Variants in AGFG1 observed in about 807,000 individuals in gnomAD.
AGFG1 encodes ArfGAP with FG repeats 1, also known as arf-GAP domain and FG repeat-containing protein 1.
In AGFG1, 10 loss-of-function variants were observed where a neutral mutation model predicts 60.6. The observed-to-expected ratio is 0.16, with a 90% CI of 0.10 to 0.28. The LOEUF (loss-of-function observed/expected upper bound fraction) is 0.28, where lower values mean the gene tolerates loss of function less well. Among genes scored for constraint, AGFG1 ranks in the 10% least tolerant of loss-of-function variants. The pLI is 1.00. For synonymous variants in AGFG1, 247 were observed against 242.9 expected (o/e 1.02, Z -0.16); for missense variants, 537 against 676.5 (o/e 0.79, Z 2.29).
rs527632167 is a variant in AGFG1, at chr2:227,491,536, T to G, written c.168-11T>G. 14 of 1,511,172 alleles carry G rather than the reference T, an allele frequency of 9.3e-6. 1 individual carries two copies. In the South Asian group the frequency reaches 1.8e-4, roughly 19 times the overall value. The allele number at this position is 1,511,172 out of a possible 1,614,324, so 93.6% of individuals were successfully genotyped here. A position where few individuals can be genotyped will look rare whatever the true frequency, so the allele number is the denominator to read the frequency against. The stretch of plus-strand genomic sequence containing the variant: ...GTACTAGTAAATTTTGTAAAATATT[T>G]TATCTTTTAGGCGAGGATTAAATCC... On this transcript the variant is annotated splice_polypyrimidine_tract_variant and intron_variant, in intron 1 of 12. Transcript: ENST00000310078.
At chr2:227,551,877 G>A in intron 10 of AGFG1, 82 bp from the exon 11 acceptor site, 1 of 1,493,288 alleles carries the variant, frequency 6.7e-7, no homozygotes, top group Non-Finnish European at 9.1e-7. Context: ...CAAGGTAAAT[G>A]ATGTCTTTTT....
chr2:227,554,359 A>G, intron 12 of AGFG1, 77 bp from the exon 13 acceptor site: 1 of 1,219,638 alleles, frequency 8.2e-7, no homozygotes, highest in Non-Finnish European at 1.2e-6. Flanking sequence ...AAAAAATTAA[A>G]TTCAGTTTAA....
intron 10 of AGFG1, among the ~76,000 whole-genome samples, chr2:227,549,629 A>G (rs73083466): frequency 8.5e-5 from 13 of 152,330 alleles, no homozygotes; most frequent in African/African-American, 1.4e-4. Flanking sequence ...AAATAAAACA[A>G]TCTAGCATTG....
rs184590266 is a variant in AGFG1 at position 227,477,146 on chromosome 2, C to T, written c.167+4558C>T. 6.6e-5 allele frequency among the ~76,000 whole-genome samples: 10 copies of T among 152,286 alleles called. No individual in the cohort carries two copies. In the East Asian group the frequency reaches 1.9e-3, roughly 29 times the overall value. On this transcript the variant is annotated intron_variant, in intron 1 of 12. Coordinates refer to ENST00000310078, the MANE Select transcript of AGFG1 (RefSeq NM_004504.5). ...TAAACTCCTGACCTCAGGTGATCCA[C>T]CGCCTTGGCCTCTCAAAGTGCTGGA...
intron 3 of AGFG1, among the ~76,000 whole-genome samples, chr2:227,522,740 G>A (rs1373185046): frequency 6.6e-6 from 1 of 152,194 alleles, no homozygotes; most frequent in Non-Finnish European, 1.5e-5. Context: ...GGAATAAGAA[G>A]GAGGGTAGGA....
intron 10 of AGFG1, among the ~76,000 whole-genome samples, chr2:227,538,919 T>C (rs1692395121): frequency 6.6e-6 from 1 of 152,202 alleles, no homozygotes. Context: ...TCCACAAATG[T>C]TTATTTCAAG....
At chr2:227,492,227 CT>C (rs1208686138) in intron 2 of AGFG1, among the ~76,000 whole-genome samples, 13 of 150,998 alleles carry the variant, frequency 8.6e-5, no homozygotes, top group Non-Finnish European at 1.8e-4. Context: ...TGCTTGTTTG[CT>C]TTTAGCTCTG....
At chr2:227,494,804 C>T (rs946146391) in intron 2 of AGFG1, among the ~76,000 whole-genome samples, 7 of 152,194 alleles carry the variant, frequency 4.6e-5, no homozygotes, top group Admixed American at 1.3e-4. Flanking sequence ...AAGTCATGCT[C>T]CAAGCCCAGA....
chr2:227,524,862 A>G lies in AGFG1; in HGVS notation c.641A>G (p.Gln214Arg). ...GSDIFAAPAPQSTATANFANF... is the reference protein window; with the variant it reads ...GSDIFAAPAPRSTATANFANF... ...GACATCTTTGCTGCTCCAGCTCCTC[A>G]GTCAACAGCTACAGCCAATTTTGCT... Residue 214 changes from glutamine to arginine, a missense_variant, in exon 5 of 13, where the codon CAG becomes CGG. Around this residue, in one of 4 missense-constraint regions of AGFG1, gnomAD observed 102 missense variants for 82.9 expected, o/e 1.23. Transcript: ENST00000310078. The G allele has an allele frequency of 6.2e-7, 1 of 1,614,174 alleles. No individual in the cohort carries two copies. Among genetic ancestry groups the G allele is most frequent in the Non-Finnish European group, 8.5e-7 (1 of 1,179,992 alleles).
rs1693062448 is a variant in AGFG1, at chr2:227,559,155, A to C, written c.*4660A>C. Reference sequence around the variant, plus strand: ...AAGGCTTACACTGAATTCTGTCTGCAGTTCTGTTTTGTGTGACCAGCACAG... The same window carrying C: ...AAGGCTTACACTGAATTCTGTCTGCCGTTCTGTTTTGTGTGACCAGCACAG... On this transcript the variant is annotated 3_prime_UTR_variant, in exon 13 of 13. Transcript: ENST00000310078. The C allele has an allele frequency of 6.6e-6, 1 of 152,226 alleles. No homozygotes were observed. The highest frequency in any genetic ancestry group is 2.4e-5 in the African/African-American group (1 of 41,472). 9.4% of individuals were successfully genotyped at this position (152,226 alleles called of 1,614,324 possible).
chr2:227,474,427 A>G (rs951004615), intron 1 of AGFG1, among the ~76,000 whole-genome samples: 21 of 152,226 alleles, frequency 1.4e-4, no homozygotes, highest in Admixed American at 4.6e-4. Context: ...CATATTTTCA[A>G]ATTTCTTCCT....
chr2:227,523,321 C>T (rs1184474833), intron 3 of AGFG1, among the ~76,000 whole-genome samples: 1 of 152,066 alleles, frequency 6.6e-6, no homozygotes, highest in African/African-American at 2.4e-5. Context: ...ATGTAATAAG[C>T]CTTTATATTT....
Position 227,557,554 on chromosome 2 carries a change from A to G in AGFG1, c.*3059A>G, listed in dbSNP as rs1693010057. ...ATGTAGCTTGTATCTCTGAGAATTTATTGTATTAAAATTAATACTGAGATA... is the reference window on the plus strand; with the variant it reads ...ATGTAGCTTGTATCTCTGAGAATTTGTTGTATTAAAATTAATACTGAGATA... On this transcript the variant is annotated 3_prime_UTR_variant, in exon 13 of 13. Coordinates refer to ENST00000310078, the MANE Select transcript of AGFG1 (RefSeq NM_004504.5). 2 of 151,820 alleles carry G rather than the reference A, an allele frequency of 1.3e-5. No individual in the cohort carries two copies. Among genetic ancestry groups the G allele is most frequent in the African/African-American group, 4.8e-5 (2 of 41,422 alleles). 9.4% of individuals were successfully genotyped at this position (151,820 alleles called of 1,614,324 possible).
intron 1 of AGFG1, among the ~76,000 whole-genome samples, chr2:227,490,596 T>G (rs991712536): frequency 1.3e-5 from 2 of 150,738 alleles, no homozygotes; most frequent in Non-Finnish European, 3.0e-5. Context: ...AAAAAAAAAT[T>G]ACTGCAGTAA....
intron 1 of AGFG1, among the ~76,000 whole-genome samples, chr2:227,488,613 AG>A (rs1396359732): frequency 6.6e-6 from 1 of 152,208 alleles, no homozygotes; most frequent in Non-Finnish European, 1.5e-5. Context: ...GAAGGAGTAG[AG>A]GCATTTGAGA....
In AGFG1 at chr2:227,559,146, T is replaced by G. The variant is rs1471442373; in HGVS notation, c.*4651T>G. 9 of 152,232 alleles carry G rather than the reference T, an allele frequency of 5.9e-5. No homozygotes were observed. The highest frequency in any genetic ancestry group is 5.9e-4 in the Admixed American group (9 of 15,282). The allele number at this position is 152,232 out of a possible 1,614,324, so 9.4% of individuals were successfully genotyped here. Reference sequence around the variant, plus strand: ...TGCACATTCAAGGCTTACACTGAATTCTGTCTGCAGTTCTGTTTTGTGTGA... The same window carrying G: ...TGCACATTCAAGGCTTACACTGAATGCTGTCTGCAGTTCTGTTTTGTGTGA... On this transcript the variant is annotated 3_prime_UTR_variant, in exon 13 of 13. Coordinates refer to ENST00000310078, the MANE Select transcript of AGFG1 (RefSeq NM_004504.5).
intron 2 of AGFG1, among the ~76,000 whole-genome samples, chr2:227,504,754 G>A (rs1691261939): frequency 6.6e-6 from 1 of 152,188 alleles, no homozygotes; most frequent in Non-Finnish European, 1.5e-5. Flanking sequence ...GTCCTTTTCT[G>A]TAATTGATTG....
chr2:227,479,751 G>A (rs943230662), intron 1 of AGFG1, among the ~76,000 whole-genome samples: 1 of 152,096 alleles, frequency 6.6e-6, no homozygotes, highest in African/African-American at 2.4e-5. Context: ...ATGTAAAAAC[G>A]TTTTAAAATC....
intron 2 of AGFG1, among the ~76,000 whole-genome samples, chr2:227,509,635 A>G (rs1005735421): frequency 7.2e-5 from 11 of 152,140 alleles, no homozygotes; most frequent in African/African-American, 2.4e-4. Flanking sequence ...TGATAAAGCA[A>G]ATGTTACCGT....
Sources: allele counts gnomAD v4.1 joint callset (sites outside exome capture counted in the v4.1 genomes callset), GRCh38; gene constraint gnomAD v4.1.1; regional missense constraint gnomAD v4.1.1; transcripts MANE v1.5; gene names NCBI Gene and HGNC (gene_info 2026-07-23, HGNC 2026-07-21).